PRKCH: variants seen among roughly 807,000 people sequenced by gnomAD.
The protein encoded by PRKCH is protein kinase C eta type.
Under a neutral mutation model 82.5 loss-of-function variants are expected in PRKCH, and 28 were observed. The observed-to-expected ratio is 0.34, with a 90% CI of 0.25 to 0.47. The LOEUF (loss-of-function observed/expected upper bound fraction) is 0.47. PRKCH is among the 20% of genes least tolerant of loss of function. The pLI, the probability that PRKCH is intolerant of heterozygous loss-of-function variation, is 1.00. For synonymous variants in PRKCH, 322 were observed against 327.4 expected (o/e 0.98, Z 0.18); for missense variants, 705 against 881.8 (o/e 0.80, Z 2.54).
At chr14:61,509,091 C>T (rs1887270072) in intron 10 of PRKCH, among the ~76,000 whole-genome samples, 1 of 152,116 alleles carries the variant, frequency 6.6e-6, no homozygotes, top group South Asian at 2.1e-4. Context: ...GAGAGCTATG[C>T]AGAGATAGAA....
At chr14:61,202,566 G>A (rs910421424) in intron 1 of PRKCH, among the ~76,000 whole-genome samples, 1 of 152,132 alleles carries the variant, frequency 6.6e-6, no homozygotes, top group African/African-American at 2.4e-5. Context: ...GGGAGGGGAG[G>A]ATGCATTCAT....
intron 1 of PRKCH, among the ~76,000 whole-genome samples, chr14:61,336,756 G>A (rs1039897957): frequency 6.6e-6 from 1 of 152,128 alleles, no homozygotes; most frequent in African/African-American, 2.4e-5. Flanking sequence ...TTTCAAGGAG[G>A]AAAACTCTAG....
At chr14:61,228,784 T>G (rs570615045) in intron 1 of PRKCH, among the ~76,000 whole-genome samples, 20 of 152,242 alleles carry the variant, frequency 1.3e-4, no homozygotes, top group African/African-American at 3.8e-4. Context: ...CTCATGCCGC[T>G]AATCCTAGCA....
rs755852242 is a variant in PRKCH at position 61,450,899 on chromosome 14, A to T, written c.760A>T (p.Lys254Ter). Reference protein sequence around the residue: ...IPHKFSIHNYKVPTFCDHCGS... With the variant: ...IPHKFSIHNY The stretch of plus-strand genomic sequence containing the variant: ...ACACAAGTTCAGCATCCACAACTAC[A>T]AAGTGCCAACATTCTGCGATCACTG... Residue 254 changes from lysine to a stop codon, truncating the protein, a stop_gained, in exon 6 of 14, where the codon AAA becomes TAA. Transcript: ENST00000332981. LOFTEE classifies it high-confidence loss of function. 6.2e-7 allele frequency: 1 copy of T among 1,614,024 alleles called. No homozygotes were observed. The highest frequency in any genetic ancestry group is 1.7e-5 in the Admixed American group (1 of 60,002).
intron 2 of PRKCH, among the ~76,000 whole-genome samples, chr14:61,420,724 T>G (rs1427860239): frequency 2.0e-5 from 3 of 152,234 alleles, no homozygotes; most frequent in African/African-American, 7.2e-5. Flanking sequence ...CACAATTCAT[T>G]TGATCTATCT....
intron 10 of PRKCH, among the ~76,000 whole-genome samples, chr14:61,505,196 T>C (rs1887082253): frequency 1.3e-5 from 2 of 152,004 alleles, no homozygotes; most frequent in African/African-American, 4.8e-5. Context: ...ACACTATCGA[T>C]TGGGTGGCTT....
At chr14:61,468,356 T>G (rs1275119592) in intron 9 of PRKCH, among the ~76,000 whole-genome samples, 1 of 152,188 alleles carries the variant, frequency 6.6e-6, no homozygotes, top group Non-Finnish European at 1.5e-5. Flanking sequence ...AGGTTATTAA[T>G]TGTGGATTTA....
At chr14:61,316,730 A>T (rs1049695741), upstream of PRKCH, among the ~76,000 whole-genome samples, 4 of 152,220 alleles carry the variant, frequency 2.6e-5, no homozygotes, top group Non-Finnish European at 5.9e-5. Flanking sequence ...ACCTTATGTC[A>T]CATAACATAG....
At chr14:61,498,862 C>T (rs912329610) in intron 10 of PRKCH, among the ~76,000 whole-genome samples, 1 of 151,852 alleles carries the variant, frequency 6.6e-6, no homozygotes, top group Non-Finnish European at 1.5e-5. Context: ...ACATTCAGTC[C>T]ATTACAGCCA....
At chr14:61,234,266 G>A (rs1186578238) in intron 1 of PRKCH, among the ~76,000 whole-genome samples, 2 of 152,148 alleles carry the variant, frequency 1.3e-5, no homozygotes, top group African/African-American at 2.4e-5. Context: ...AACCATCCCT[G>A]TTTCCAGTAC....
At chr14:61,213,492 T>C (rs1471774254) in intron 1 of PRKCH, among the ~76,000 whole-genome samples, 2 of 152,340 alleles carry the variant, frequency 1.3e-5, no homozygotes, top group East Asian at 3.9e-4. Flanking sequence ...TATTCATTTA[T>C]AGCTGGCAAA....
At chr14:61,465,847 C>T (rs528809242) in intron 9 of PRKCH, among the ~76,000 whole-genome samples, 3 of 152,168 alleles carry the variant, frequency 2.0e-5, no homozygotes, top group African/African-American at 4.8e-5. Flanking sequence ...CAGGTACCGT[C>T]GTAAGCACCT....
intron 1 of PRKCH, among the ~76,000 whole-genome samples, chr14:61,377,370 G>C (rs185091767): frequency 3.9e-5 from 6 of 152,234 alleles, no homozygotes; most frequent in Admixed American, 3.3e-4. Flanking sequence ...AACCCCAGCC[G>C]TATGTTTAAC....
chr14:61,548,828 C>T (rs2043292091), intron 13 of PRKCH, among the ~76,000 whole-genome samples: 1 of 145,824 alleles, frequency 6.9e-6, no homozygotes, highest in African/African-American at 2.5e-5. Flanking sequence ...GCGTCATGCG[C>T]TCCAGCCTGG....
intron 1 of PRKCH, among the ~76,000 whole-genome samples, chr14:61,362,711 G>A (rs543682769): frequency 6.6e-6 from 1 of 152,354 alleles, no homozygotes; most frequent in South Asian, 2.1e-4. Flanking sequence ...GCTCAGGCCA[G>A]CACTCCTGAA....
At chr14:61,266,225 C>G (rs1378068823) in intron 1 of PRKCH, among the ~76,000 whole-genome samples, 1 of 151,846 alleles carries the variant, frequency 6.6e-6, no homozygotes, top group African/African-American at 2.4e-5. Context: ...CGACACTAGC[C>G]TGGCAGGCAT....
intron 9 of PRKCH, among the ~76,000 whole-genome samples, chr14:61,478,362 C>T (rs925565461): frequency 6.6e-6 from 1 of 152,034 alleles, no homozygotes; most frequent in Non-Finnish European, 1.5e-5. Flanking sequence ...CCCTGGGCTT[C>T]CTCTTAGTCA....
At position 61,486,010 on chromosome 14, in the gene PRKCH, T is replaced by C. The variant is rs374073216; in HGVS notation, c.1433+354T>C. Among the ~76,000 whole-genome samples the C allele has an allele frequency of 2.0e-5, 3 of 152,316 alleles. 1 individual carries two copies. The highest frequency in any genetic ancestry group is 6.5e-5 in the Admixed American group (1 of 15,300). The stretch of plus-strand genomic sequence containing the variant: ...CAAAGGTTCCAAGGATCCATTAGGA[T>C]AAATTAATAACAGTAATAAACACTG... On this transcript the variant is annotated intron_variant, in intron 10 of 13. Coordinates refer to ENST00000332981, the MANE Select transcript of PRKCH (RefSeq NM_006255.5).
intron 9 of PRKCH, among the ~76,000 whole-genome samples, chr14:61,464,211 A>G (rs560892962): frequency 6.6e-6 from 1 of 152,244 alleles, no homozygotes; most frequent in African/African-American, 2.4e-5. Flanking sequence ...CCTTTTCTCC[A>G]CATCCTCTTC....
Sources: allele counts gnomAD v4.1 joint callset (sites outside exome capture counted in the v4.1 genomes callset), GRCh38; gene constraint gnomAD v4.1.1; transcripts MANE v1.5; gene names NCBI Gene and HGNC (gene_info 2026-07-23, HGNC 2026-07-21).